The following PPM1L variants were observed in gnomAD, a reference collection of about 807,000 sequenced individuals.
The protein encoded by PPM1L is protein phosphatase 1L.
PPM1L carries 13 observed loss-of-function variants against 31.4 expected under a neutral mutation model. The observed-to-expected ratio is 0.41, with a 90% CI of 0.27 to 0.66. The LOEUF is 0.66. Among genes scored for constraint, PPM1L ranks in the 30% least tolerant of loss-of-function variants. The pLI, the probability that PPM1L is intolerant of heterozygous loss-of-function variation, is 0.29. For synonymous variants in PPM1L, 184 were observed against 175.4 expected (o/e 1.05, Z -0.39); for missense variants, 326 against 453.7 (o/e 0.72, Z 2.56).
chr3:160,882,551 G>A (rs1219884305), intron 1 of PPM1L, among the ~76,000 whole-genome samples: 1 of 152,032 alleles, frequency 6.6e-6, no homozygotes, highest in Non-Finnish European at 1.5e-5. Flanking sequence ...CTAAAATCAG[G>A]CCCACTCTAA....
At chr3:161,022,132 ATT>A (rs755669333) in intron 2 of PPM1L, 6,545 of 589,274 alleles carry the variant, frequency 0.011, no homozygotes, top group South Asian at 0.021. Context: ...TTTTAATTCC[ATT>A]TTTTTTTTTT....
intron 1 of PPM1L, among the ~76,000 whole-genome samples, chr3:160,840,190 T>G (rs1328961290): frequency 6.6e-6 from 1 of 152,156 alleles, no homozygotes; most frequent in Non-Finnish European, 1.5e-5. Flanking sequence ...GGCAGCACTT[T>G]TGGAAAGCAT....
chr3:160,823,250 G>A (rs1409866112), intron 1 of PPM1L, among the ~76,000 whole-genome samples: 17 of 151,660 alleles, frequency 1.1e-4, no homozygotes, highest in Admixed American at 1.1e-3. Context: ...TTTTCTTAAT[G>A]TTCTTCTTGA....
rs1720130474 is a variant in PPM1L at position 161,077,211 on chromosome 3, A to G, written c.*8054A>G. On this transcript the variant is annotated 3_prime_UTR_variant, in exon 4 of 4. Transcript: ENST00000498165. ...GAATTAGAATAATTATTTCTCACATATAAGAGTAAGTGATATGAGATTGGG... is the reference window on the plus strand; with the variant it reads ...GAATTAGAATAATTATTTCTCACATGTAAGAGTAAGTGATATGAGATTGGG... 1.3e-5 allele frequency: 2 copies of G among 152,374 alleles called. No homozygotes were observed. The highest frequency in any genetic ancestry group is 6.5e-5 in the Admixed American group (1 of 15,308). The allele number at this position is 152,374 out of a possible 1,614,324, so 9.4% of individuals were successfully genotyped here. A position where few individuals can be genotyped will look rare whatever the true frequency, so the allele number is the denominator to read the frequency against.
At chr3:160,838,305 A>G (rs1713777523) in intron 1 of PPM1L, among the ~76,000 whole-genome samples, 1 of 152,228 alleles carries the variant, frequency 6.6e-6, no homozygotes, top group African/African-American at 2.4e-5. Context: ...CTGATGAGTT[A>G]AAGTGTAAAA....
rs1240341200 is a variant in PPM1L, at chr3:160,954,918, T to C, written c.400-6818T>C. 3.8e-4 allele frequency among the ~76,000 whole-genome samples: 44 copies of C among 117,040 alleles called. 1 individual carries two copies. Among genetic ancestry groups the C allele is most frequent in the Non-Finnish European group, 1.8e-5 (1 of 55,638 alleles). 76.8% of individuals were successfully genotyped at this position (117,040 alleles called of 152,430 possible). A position where few individuals can be genotyped will look rare whatever the true frequency, so the allele number is the denominator to read the frequency against. ...TTTCTTCCTTCCTTCCTTCCTTCCT[T>C]CCTTCTTTCCTTCCTTCCTTCCTTC... On this transcript the variant is annotated intron_variant, in intron 1 of 3. Transcript: ENST00000498165.
chr3:160,836,845 C>A (rs936405042), intron 1 of PPM1L, among the ~76,000 whole-genome samples: 1 of 152,142 alleles, frequency 6.6e-6, no homozygotes, highest in Non-Finnish European at 1.5e-5. Context: ...TGACAAAGAT[C>A]GTGGAAGCTT....
chr3:160,848,722 A>G (rs1714159883), intron 1 of PPM1L, among the ~76,000 whole-genome samples: 1 of 152,162 alleles, frequency 6.6e-6, no homozygotes, highest in East Asian at 1.9e-4. Flanking sequence ...CCTCCTTGGC[A>G]TTGCCACCAG....
In PPM1L at chr3:160,909,626, G is replaced by A. The variant is rs937867124; in HGVS notation, c.400-52110G>A. On this transcript the variant is annotated intron_variant, in intron 1 of 3. Transcript: ENST00000498165. ...CCCTCTCTTAAGGAGGGAGTTTAGC[G>A]TGAAAAAAGGACCAAACAGAGAACT... 3.3e-5 allele frequency among the ~76,000 whole-genome samples: 5 copies of A among 151,988 alleles called. No homozygotes were observed. In the East Asian group the frequency reaches 7.7e-4, roughly 24 times the overall value.
chr3:160,836,410 C>G (rs556684716), intron 1 of PPM1L, among the ~76,000 whole-genome samples: 1 of 152,324 alleles, frequency 6.6e-6, no homozygotes, highest in Middle Eastern at 3.4e-3. Context: ...GCCTTCCGCT[C>G]TGTTACTGAT....
intron 2 of PPM1L, among the ~76,000 whole-genome samples, chr3:160,987,988 C>G (rs1484161586): frequency 6.6e-6 from 1 of 152,170 alleles, no homozygotes; most frequent in Non-Finnish European, 1.5e-5. Flanking sequence ...TTTTCCTTTC[C>G]TGACCCTGGA....
At chr3:160,801,413 T>A (rs1271057063) in intron 1 of PPM1L, among the ~76,000 whole-genome samples, 2 of 151,802 alleles carry the variant, frequency 1.3e-5, no homozygotes, top group African/African-American at 4.9e-5. Context: ...ACTAGAGAAG[T>A]AGTAACCTGG....
At chr3:160,811,055 A>G (rs1712789616) in intron 1 of PPM1L, among the ~76,000 whole-genome samples, 1 of 152,234 alleles carries the variant, frequency 6.6e-6, no homozygotes, top group Admixed American at 6.5e-5. Flanking sequence ...AGTCAATTCT[A>G]ATTACACTGA....
At chr3:160,783,693 G>A (rs983580276) in intron 1 of PPM1L, among the ~76,000 whole-genome samples, 2 of 151,976 alleles carry the variant, frequency 1.3e-5, no homozygotes, top group Non-Finnish European at 2.9e-5. Flanking sequence ...AAATTCTATG[G>A]TTGACTTGAT....
chr3:160,756,785 G>GTGTGTGTGTGTGTGTA lies in PPM1L; in HGVS notation c.399+83_399+84insGTGTGTGTGTATGTGT. 1 of 1,392,300 alleles carries GTGTGTGTGTGTGTGTA rather than the reference G, an allele frequency of 7.2e-7. No homozygotes were observed. The allele number at this position is 1,392,300 out of a possible 1,614,324, so 86.2% of individuals were successfully genotyped here. A position where few individuals can be genotyped will look rare whatever the true frequency, so the allele number is the denominator to read the frequency against. On this transcript the variant is annotated intron_variant, in intron 1 of 3. Coordinates refer to ENST00000498165, the MANE Select transcript of PPM1L (RefSeq NM_139245.4). This position sits in a 1 kb window ranked among gnomAD's most constrained non-coding sequence, Gnocchi z 6.2. Reference sequence around the variant, plus strand: ...TGTGTGTGTGTGTGTGTGTGTGTGTGTGTGTATAAACAACAGGACAGCGTG... The same window carrying GTGTGTGTGTGTGTGTA: ...TGTGTGTGTGTGTGTGTGTGTGTGTGTGTGTGTGTGTGTGTATGTGTATAAACAACAGGACAGCGTG...
intron 2 of PPM1L, among the ~76,000 whole-genome samples, chr3:161,014,005 G>A (rs953615418): frequency 1.3e-5 from 2 of 152,120 alleles, no homozygotes; most frequent in Non-Finnish European, 2.9e-5. Context: ...TTTAATTGGA[G>A]CATTTAGCCC....
chr3:160,975,735 C>G (rs1201922847), intron 2 of PPM1L, among the ~76,000 whole-genome samples: 1 of 152,174 alleles, frequency 6.6e-6, no homozygotes, highest in Admixed American at 6.5e-5. Context: ...TATCCTGAGA[C>G]TTTGCTAAAG....
chr3:160,895,935 A>G (rs527391716), intron 1 of PPM1L, among the ~76,000 whole-genome samples: 2 of 152,228 alleles, frequency 1.3e-5, no homozygotes, highest in East Asian at 3.9e-4. Context: ...ACACCTTTCA[A>G]ATGCTTGATT....
chr3:160,995,237 G>T (rs904727688), intron 2 of PPM1L, among the ~76,000 whole-genome samples: 8 of 152,166 alleles, frequency 5.3e-5, no homozygotes, highest in African/African-American at 1.9e-4. Flanking sequence ...ATACAAGTTT[G>T]TTGGGTGTTT....
Sources: gnomAD v4.1 joint callset for allele counts (sites outside exome capture counted in the v4.1 genomes callset) on GRCh38, gnomAD v4.1.1 for gene constraint, Gnocchi (gnomAD v3.1) non-coding constraint, MANE v1.5 for transcripts, NCBI Gene and HGNC (gene_info 2026-07-23, HGNC 2026-07-21) for gene names.